MYO9A: variants seen among roughly 807,000 people sequenced by gnomAD.
The protein encoded by MYO9A is unconventional myosin-IXa.
In MYO9A, 103 loss-of-function variants were observed where a neutral mutation model predicts 293.3. The observed-to-expected ratio is 0.35, with a 90% CI of 0.30 to 0.41. The LOEUF is 0.41. MYO9A is among the 10% of genes least tolerant of loss of function. The pLI is 1.00. For synonymous variants in MYO9A, 1,001 were observed against 1,035.7 expected (o/e 0.97, Z 0.64); for missense variants, 2,685 against 3,033.0 (o/e 0.89, Z 2.69).
At chr15:71,941,711 C>T (rs2058780272) in intron 15 of MYO9A, among the ~76,000 whole-genome samples, 1 of 151,886 alleles carries the variant, frequency 6.6e-6, no homozygotes, top group African/African-American at 2.4e-5. Flanking sequence ...TATTTAGGGA[C>T]ATGAGAATCA....
At chr15:71,851,389 A>T (rs1391134609) in intron 36 of MYO9A, 31 bp from the exon 37 acceptor site, 1 of 1,539,114 alleles carries the variant, frequency 6.5e-7, no homozygotes, top group Non-Finnish European at 9.0e-7. Flanking sequence ...AACTAAGACT[A>T]AATATCCCCC....
chr15:72,022,247 C>T (rs1426264886), intron 4 of MYO9A, among the ~76,000 whole-genome samples: 1 of 152,018 alleles, frequency 6.6e-6, no homozygotes, highest in Admixed American at 6.6e-5. Context: ...TTTGGCCAGG[C>T]GTGGTGGCTC....
intron 9 of MYO9A, among the ~76,000 whole-genome samples, chr15:71,996,108 T>C (rs1433669796): frequency 3.9e-5 from 6 of 152,060 alleles, no homozygotes; most frequent in African/African-American, 1.4e-4. Flanking sequence ...AGAAAACCAA[T>C]GGCAGAATGA....
At chr15:71,930,796 T>C (rs2058453582) in intron 18 of MYO9A, among the ~76,000 whole-genome samples, 1 of 152,184 alleles carries the variant, frequency 6.6e-6, no homozygotes, top group South Asian at 2.1e-4. Flanking sequence ...CTTCCCTTTG[T>C]GGTTTGATGG....
chr15:72,025,078 T>A (rs1433391171), intron 4 of MYO9A, among the ~76,000 whole-genome samples: 1 of 152,046 alleles, frequency 6.6e-6, no homozygotes, highest in East Asian at 1.9e-4. Flanking sequence ...GCATACTGTT[T>A]ACAAGAGACA....
intron 26 of MYO9A, among the ~76,000 whole-genome samples, chr15:71,889,284 A>G (rs1393781095): frequency 1.3e-5 from 2 of 152,128 alleles, no homozygotes; most frequent in Admixed American, 6.6e-5. Context: ...AAGGTAATTG[A>G]GCCCATCACT....
intron 1 of MYO9A, among the ~76,000 whole-genome samples, chr15:72,082,797 T>C (rs1288848338): frequency 2.0e-5 from 3 of 151,474 alleles, no homozygotes; most frequent in African/African-American, 7.3e-5. Flanking sequence ...CATGTGGTTT[T>C]TTTAGTTGTT....
intron 19 of MYO9A, among the ~76,000 whole-genome samples, chr15:71,910,130 G>GTATATATA: frequency 7.5e-6 from 1 of 133,370 alleles, no homozygotes; most frequent in Admixed American, 7.9e-5. Flanking sequence ...ATATACACGT[G>GTATATATA]TATATATATA....
intron 18 of MYO9A, among the ~76,000 whole-genome samples, chr15:71,924,546 A>G (rs1020745895): frequency 6.6e-6 from 1 of 151,956 alleles, no homozygotes; most frequent in African/African-American, 2.4e-5. Flanking sequence ...CCGGCTCCCA[A>G]TTTGAAATTT....
chr15:71,898,009 T>C lies in MYO9A; in HGVS notation c.4494A>G (p.Glu1498=), dbSNP rs770836690. 3 of 1,614,166 alleles carry C rather than the reference T, an allele frequency of 1.9e-6. No homozygotes were observed. The highest frequency in any genetic ancestry group is 1.1e-5 in the South Asian group (1 of 91,080). The change falls in exon 25 of 42, where the codon GAA becomes GAG. Residue 1498 remains glutamate, a synonymous_variant. Transcript: ENST00000356056. Reference sequence around the variant, plus strand: ...GTTGCTGCAACTGTTTTTGCCTTTCTTCCTTCTCAGTGTTTAGCTTTTCTA... The same window carrying C: ...GTTGCTGCAACTGTTTTTGCCTTTCCTCCTTCTCAGTGTTTAGCTTTTCTA... ...KKLEKLNTEK[E]ERQKQLQQQN...
chr15:71,916,556 G>A, intron 18 of MYO9A, 64 bp from the exon 19 acceptor site: 2 of 1,513,540 alleles, frequency 1.3e-6, no homozygotes, highest in East Asian at 4.5e-5. Context: ...AAAATTCTCA[G>A]CCAGTTTTCA....
chr15:71,827,091 G>C, intron 41 of MYO9A, 48 bp from the exon 42 acceptor site: 3 of 1,367,706 alleles, frequency 2.2e-6, no homozygotes, highest in Non-Finnish European at 3.0e-6. Flanking sequence ...GCCCTCTAAA[G>C]CAAATCATCA....
intron 1 of MYO9A, among the ~76,000 whole-genome samples, chr15:72,051,999 T>C (rs769951529): frequency 3.3e-5 from 5 of 152,066 alleles, no homozygotes; most frequent in Non-Finnish European, 7.4e-5. Flanking sequence ...TCACCCATGG[T>C]TGTCAATGAA....
At chr15:72,096,215 G>A (rs2080059290) in intron 1 of MYO9A, among the ~76,000 whole-genome samples, 3 of 151,408 alleles carry the variant, frequency 2.0e-5, no homozygotes, top group Admixed American at 2.0e-4. Context: ...GTGCAGGCCT[G>A]TAGTCCCAGA....
At chr15:72,097,945 A>G (rs1292885312) in intron 1 of MYO9A, among the ~76,000 whole-genome samples, 2 of 152,086 alleles carry the variant, frequency 1.3e-5, no homozygotes, top group African/African-American at 4.8e-5. Flanking sequence ...TTTTTAAAAA[A>G]AAGAAGAAAC....
intron 21 of MYO9A, 50 bp from the exon 22 acceptor site, chr15:71,903,113 A>G (rs1189703269): frequency 1.4e-6 from 2 of 1,448,422 alleles, no homozygotes; most frequent in East Asian, 2.3e-5. Context: ...GTGTATGTAA[A>G]CAAGACCTTA....
In MYO9A at chr15:71,883,610, A is replaced by C. The variant is rs1196583280; in HGVS notation, c.5382T>G (p.Ala1794=). 1 of 1,612,140 alleles carries C rather than the reference A, an allele frequency of 6.2e-7. No homozygotes were observed. The highest frequency in any genetic ancestry group is 1.3e-5 in the African/African-American group (1 of 74,920). ...CACTTTTACCATCTGGAAACTGATG[A>C]GCTGGAATCACATCTGTGCCTGCAA... ...PLFAGTDVIP[A]HQFPDELAAY... is the part of the protein sequence containing the mutation. Residue 1794 remains alanine, a synonymous_variant, in exon 28 of 42, where the codon GCT becomes GCG. Transcript: ENST00000356056.
At chr15:71,884,118 TTTAGTA>T (rs1219723840) in intron 27 of MYO9A, among the ~76,000 whole-genome samples, 3 of 152,096 alleles carry the variant, frequency 2.0e-5, no homozygotes, top group African/African-American at 7.2e-5. Flanking sequence ...CCAGCTTGGA[TTTAGTA>T]TATACACAAT....
chr15:71,850,537 G>A (rs1265573687), intron 37 of MYO9A, among the ~76,000 whole-genome samples: 3 of 151,922 alleles, frequency 2.0e-5, no homozygotes, highest in African/African-American at 7.3e-5. Context: ...GGCCAATGTG[G>A]GCAGATTACT....
Sources: gnomAD v4.1 joint callset for allele counts (sites outside exome capture counted in the v4.1 genomes callset) on GRCh38, gnomAD v4.1.1 for gene constraint, MANE v1.5 for transcripts, NCBI Gene and HGNC (gene_info 2026-07-23, HGNC 2026-07-21) for gene names.